EIF4G3: variants seen among roughly 807,000 people sequenced by gnomAD.
The protein encoded by EIF4G3 is eukaryotic translation initiation factor 4 gamma 3.
In EIF4G3, 34 loss-of-function variants were observed where a neutral mutation model predicts 186.4. The ratio of observed to expected loss-of-function variants is 0.18; its 90% CI spans 0.14 to 0.24. The LOEUF (loss-of-function observed/expected upper bound fraction) is 0.24, where lower values mean the gene tolerates loss of function less well. Ranked by LOEUF, EIF4G3 falls within the 10% of genes least tolerant of loss-of-function variation. The pLI, the probability that EIF4G3 is intolerant of heterozygous loss-of-function variation, is 1.00. For missense variants in EIF4G3, 1,536 were observed against 1,948.5 expected, an observed-to-expected ratio of 0.79 and a Z score of 3.99; for synonymous variants, 673 against 679.5, an observed-to-expected ratio of 0.99 and a Z score of 0.15.
intron 27 of EIF4G3, among the ~76,000 whole-genome samples, chr1:20,852,211 AG>A (rs1173131794): frequency 2.6e-5 from 4 of 152,140 alleles, no homozygotes; most frequent in African/African-American, 9.7e-5. Flanking sequence ...CATGTTGGTC[AG>A]GCTGGTCTCG....
At chr1:20,959,592 A>G (rs2096524915) in intron 12 of EIF4G3, among the ~76,000 whole-genome samples, 1 of 151,126 alleles carries the variant, frequency 6.6e-6, no homozygotes, top group African/African-American at 2.4e-5. Context: ...TAAAAAGACA[A>G]CCCATAGAGA....
At chr1:20,949,697 T>C (rs1388316267) in intron 13 of EIF4G3, among the ~76,000 whole-genome samples, 2 of 152,176 alleles carry the variant, frequency 1.3e-5, no homozygotes, top group African/African-American at 2.4e-5. Flanking sequence ...TAAAGTAATA[T>C]ATGCTAGGAT....
intron 2 of EIF4G3, among the ~76,000 whole-genome samples, chr1:21,111,084 G>C (rs2096717835): frequency 6.6e-6 from 1 of 152,172 alleles, no homozygotes; most frequent in African/African-American, 2.4e-5. Context: ...GTACAGAAAA[G>C]GAACTTTCAG....
At chr1:21,068,396 A>AAAAAAAAAAAAAAAAAAC (rs1200202846) in intron 3 of EIF4G3, among the ~76,000 whole-genome samples, 6 of 148,814 alleles carry the variant, frequency 4.0e-5, no homozygotes, top group Non-Finnish European at 7.5e-5. Flanking sequence ...AAAAAAAAAA[A>AAAAAAAAAAAAAAAAAAC]AAAACAGAAT....
intron 14 of EIF4G3, among the ~76,000 whole-genome samples, chr1:20,934,671 TG>T (rs2095459178): frequency 2.6e-5 from 4 of 152,076 alleles, no homozygotes; most frequent in South Asian, 2.1e-4. Context: ...TTCACACCAC[TG>T]TAAGTGGTGT....
intron 33 of EIF4G3, among the ~76,000 whole-genome samples, chr1:20,823,148 G>A (rs1013975567): frequency 1.3e-5 from 2 of 151,846 alleles, no homozygotes; most frequent in Admixed American, 6.6e-5. Context: ...TAATTATCCT[G>A]TATTGCATAT....
At chr1:21,053,826 G>A (rs537812550) in intron 3 of EIF4G3, among the ~76,000 whole-genome samples, 6 of 132,956 alleles carry the variant, frequency 4.5e-5, no homozygotes, top group East Asian at 2.3e-4. Flanking sequence ...CCGGCCAGCC[G>A]CCCCATCCGG....
At chr1:20,972,636 A>G (rs2076125277) in intron 11 of EIF4G3, among the ~76,000 whole-genome samples, 1 of 149,918 alleles carries the variant, frequency 6.7e-6, no homozygotes, top group East Asian at 1.9e-4. Flanking sequence ...CTCCATCTCA[A>G]AAAAAAAAAG....
chr1:21,096,214 TA>T (rs890254824), intron 2 of EIF4G3, among the ~76,000 whole-genome samples: 10 of 152,148 alleles, frequency 6.6e-5, no homozygotes, highest in African/African-American at 2.4e-4. Flanking sequence ...TATTCAACCA[TA>T]AAAAAATGAG....
At chr1:20,958,065 C>T (rs1183268247) in intron 12 of EIF4G3, among the ~76,000 whole-genome samples, 6 of 152,108 alleles carry the variant, frequency 3.9e-5, no homozygotes, top group Non-Finnish European at 8.8e-5. Context: ...CAGTATCACC[C>T]TGATACCTAA....
rs2072545400 is a variant in EIF4G3 at position 20,849,531 on chromosome 1, C to T, written c.3773-1G>A. On this transcript the variant is annotated splice_acceptor_variant, in intron 28 of 36. Coordinates refer to ENST00000602326, the MANE Select transcript of EIF4G3 (RefSeq NM_001391906.1). LOFTEE classifies it high-confidence loss of function. ...GACATTGCTGAAATTTCTGGTTTTG[C>T]TATTAGTGAGGCCCCCCAAAAAAAG... The T allele has an allele frequency of 1.3e-6, 2 of 1,499,522 alleles. No individual in the cohort carries two copies. The highest frequency in any genetic ancestry group is 2.8e-5 in the South Asian group (2 of 72,588). 92.9% of individuals were successfully genotyped at this position (1,499,522 alleles called of 1,614,324 possible). A position where few individuals can be genotyped will look rare whatever the true frequency, so the allele number is the denominator to read the frequency against.
intron 19 of EIF4G3, among the ~76,000 whole-genome samples, chr1:20,881,829 T>A (rs1032629624): frequency 3.3e-5 from 5 of 149,496 alleles, no homozygotes; most frequent in African/African-American, 9.9e-5. Context: ...TAAAATAAAA[T>A]AAAAATAAAA....
chr1:21,103,273 A>C (rs988216265), intron 2 of EIF4G3, among the ~76,000 whole-genome samples: 2 of 152,076 alleles, frequency 1.3e-5, no homozygotes, highest in African/African-American at 4.8e-5. Context: ...ACTCTTGACT[A>C]TTACCATCTA....
At chr1:20,992,798 A>G (rs188428904) in intron 7 of EIF4G3, among the ~76,000 whole-genome samples, 2 of 152,302 alleles carry the variant, frequency 1.3e-5, no homozygotes, top group African/African-American at 4.8e-5. Flanking sequence ...GAAACCCCAA[A>G]GTAAAATAAG....
intron 4 of EIF4G3, among the ~76,000 whole-genome samples, chr1:21,024,399 G>A (rs1420965623): frequency 2.0e-5 from 3 of 152,256 alleles, no homozygotes; most frequent in Non-Finnish European, 2.9e-5. Context: ...GTGCCCAACA[G>A]CTCATTGAGA....
chr1:20,957,597 T>A (rs1423467372), intron 12 of EIF4G3, among the ~76,000 whole-genome samples: 1 of 147,468 alleles, frequency 6.8e-6, no homozygotes, highest in African/African-American at 2.5e-5. Context: ...AAAAAAAGCA[T>A]TACAAAAGAT....
chr1:21,131,434 T>C (rs1006414976), intron 2 of EIF4G3, among the ~76,000 whole-genome samples: 1 of 135,168 alleles, frequency 7.4e-6, no homozygotes, highest in Non-Finnish European at 1.6e-5. Flanking sequence ...CTTGAGATAA[T>C]GACCTAGAAT....
At chr1:20,995,727 G>C (rs1479973639) in intron 7 of EIF4G3, among the ~76,000 whole-genome samples, 1 of 152,138 alleles carries the variant, frequency 6.6e-6, no homozygotes, top group Non-Finnish European at 1.5e-5. Context: ...TCAATCTACA[G>C]TGTATAAAAT....
At chr1:21,063,638 T>G (rs769940103) in intron 3 of EIF4G3, among the ~76,000 whole-genome samples, 3 of 148,608 alleles carry the variant, frequency 2.0e-5, no homozygotes, top group Non-Finnish European at 3.0e-5. Context: ...AGGATCACGT[T>G]AAAATGGGTG....
Sources: allele counts gnomAD v4.1 joint callset (sites outside exome capture counted in the v4.1 genomes callset), GRCh38; gene constraint gnomAD v4.1.1; transcripts MANE v1.5; gene names NCBI Gene and HGNC (gene_info 2026-07-23, HGNC 2026-07-21).